Variants in FAM120B observed in about 807,000 individuals in gnomAD.
FAM120B encodes constitutive coactivator of peroxisome proliferator-activated receptor gamma.
Under a neutral mutation model 96.3 loss-of-function variants are expected in FAM120B, and 83 were observed. The ratio of observed to expected loss-of-function variants is 0.86; its 90% CI spans 0.72 to 1.03. The LOEUF is 1.03. Among genes scored for constraint, FAM120B ranks in the 50% least tolerant of loss-of-function variants. The pLI, the probability that FAM120B is intolerant of heterozygous loss-of-function variation, is 0.00. For synonymous variants in FAM120B, 407 were observed against 402.7 expected (o/e 1.01, Z -0.13); for missense variants, 1,027 against 1,121.2 (o/e 0.92, Z 1.20).
intron 6 of FAM120B, among the ~76,000 whole-genome samples, chr6:170,379,158 A>G (rs999471799): frequency 2.0e-5 from 3 of 152,188 alleles, no homozygotes; most frequent in Non-Finnish European, 2.9e-5. Context: ...GGGGTCCTTT[A>G]GTGGGGATCT....
At position 170,318,882 on chromosome 6, in the gene FAM120B, A is replaced by G. The variant is rs748270334; in HGVS notation, c.1492A>G (p.Met498Val). Residue 498 changes from methionine to valine, a missense_variant, in exon 2 of 11, where the codon ATG (methionine) becomes GTG (valine). By Grantham distance (21) the Met-to-Val change is conservative. This residue lies in a region of FAM120B where 880 missense variants were observed against 980.9 expected (regional missense o/e 0.90). Transcript: ENST00000476287. Reference sequence around the variant, plus strand: ...AGACCCTGAATCTAGGCAAGAAATTATGTGTACAGGCCATGAATCCAAACA... The same window carrying G: ...AGACCCTGAATCTAGGCAAGAAATTGTGTGTACAGGCCATGAATCCAAACA... Reference protein sequence around the residue: ...RTDPESRQEIMCTGHESKQEV... With the variant: ...RTDPESRQEIVCTGHESKQEV... The G allele has an allele frequency of 4.3e-6, 7 of 1,614,152 alleles. No homozygotes were observed. Among genetic ancestry groups the G allele is most frequent in the South Asian group, 1.1e-5 (1 of 91,092 alleles).
intron 4 of FAM120B, among the ~76,000 whole-genome samples, chr6:170,335,134 C>A (rs1786329399): frequency 6.6e-6 from 1 of 150,738 alleles, no homozygotes; most frequent in Non-Finnish European, 1.5e-5. Flanking sequence ...TGGTTTGTTG[C>A]ACCTATCAAC....
At chr6:170,315,310 A>T (rs141330567) in intron 1 of FAM120B, among the ~76,000 whole-genome samples, 41 of 152,320 alleles carry the variant, frequency 2.7e-4, no homozygotes, top group Non-Finnish European at 5.3e-4. Flanking sequence ...GTGAAATCTA[A>T]GCCTTCTTTT....
At chr6:170,376,558 C>T (rs1789531059) in intron 6 of FAM120B, among the ~76,000 whole-genome samples, 1 of 152,090 alleles carries the variant, frequency 6.6e-6, no homozygotes, top group Admixed American at 6.5e-5. Context: ...TGACCACGTG[C>T]AGCAGAGCGG....
rs139615249 is a variant in FAM120B, at chr6:170,395,007, A to G, written c.2600-480A>G. Among the ~76,000 whole-genome samples, 23 of 152,360 alleles carry G rather than the reference A, an allele frequency of 1.5e-4. 2 individuals are homozygous for G. In the East Asian group the frequency reaches 4.4e-3, roughly 29 times the overall value. Reference sequence around the variant, plus strand: ...TAATCAGGCCTTCTAGTAGAGACAAACAGGACAAGGTGTCATGGACTGGGA... The same window carrying G: ...TAATCAGGCCTTCTAGTAGAGACAAGCAGGACAAGGTGTCATGGACTGGGA... On this transcript the variant is annotated intron_variant, in intron 8 of 10. Transcript: ENST00000476287.
At chr6:170,312,613 C>T (rs547129826) in intron 1 of FAM120B, among the ~76,000 whole-genome samples, 22 of 152,282 alleles carry the variant, frequency 1.4e-4, no homozygotes, top group Admixed American at 3.3e-4. Flanking sequence ...GGTTGTGGCC[C>T]GACTGTTCTG....
chr6:170,368,602 A>G (rs1194337134), intron 6 of FAM120B, among the ~76,000 whole-genome samples: 1 of 152,250 alleles, frequency 6.6e-6, no homozygotes, highest in African/African-American at 2.4e-5. Flanking sequence ...AAGTTCACAG[A>G]AGAAATACAA....
In FAM120B at chr6:170,318,883, T is replaced by C. The variant is rs1785109240; in HGVS notation, c.1493T>C (p.Met498Thr). The C allele has an allele frequency of 6.2e-7, 1 of 1,614,104 alleles. No individual in the cohort carries two copies. Residue 498 changes from methionine to threonine, a missense_variant, in exon 2 of 11, where the codon ATG becomes ACG. Met to Thr is a moderately conservative substitution (Grantham distance 81). Coordinates refer to ENST00000476287, the MANE Select transcript of FAM120B (RefSeq NM_032448.3). ...GACCCTGAATCTAGGCAAGAAATTA[T>C]GTGTACAGGCCATGAATCCAAACAG... ...RTDPESRQEI[M>T]CTGHESKQEV... is the part of the protein sequence containing the mutation.
At chr6:170,348,910 A>C (rs918396942) in intron 5 of FAM120B, among the ~76,000 whole-genome samples, 2 of 152,206 alleles carry the variant, frequency 1.3e-5, no homozygotes, top group African/African-American at 4.8e-5. Flanking sequence ...AGGTCCTCCC[A>C]TCCTGCTGAG....
At position 170,318,031 on chromosome 6, in the gene FAM120B, G is replaced by A; in HGVS notation, c.641G>A (p.Ser214Asn). 6.2e-7 allele frequency: 1 copy of A among 1,614,136 alleles called. No homozygotes were observed. ...VMLCREKLCE[S>N]LGLCVADLPL... Reference sequence around the variant, plus strand: ...CTCTGCAGAGAGAAGCTCTGTGAGAGTCTGGGCCTCTGTGTGGCCGACCTT... The same window carrying A: ...CTCTGCAGAGAGAAGCTCTGTGAGAATCTGGGCCTCTGTGTGGCCGACCTT... Residue 214 changes from serine (S) to asparagine (N), a missense_variant, in exon 2 of 11, where the codon AGT becomes AAT. Transcript: ENST00000476287.
chr6:170,371,703 G>T lies in FAM120B; in HGVS notation c.2283+13385G>T, dbSNP rs552084657. Among the ~76,000 whole-genome samples the T allele has an allele frequency of 1.8e-4, 27 of 152,360 alleles. No individual in the cohort carries two copies. The South Asian group carries it at 5.6e-3, about 32-fold the overall frequency. ...CAGCACTTGTCAAATGAGGCCTGGT[G>T]GTCAGAGCCCCCTCTGTGCTCCTAG... On this transcript the variant is annotated intron_variant, in intron 6 of 10. Transcript: ENST00000476287.
At chr6:170,299,351 G>C (rs1034968926) in intron 1 of FAM120B, among the ~76,000 whole-genome samples, 8 of 152,204 alleles carry the variant, frequency 5.3e-5, no homozygotes, top group Non-Finnish European at 1.5e-5. Context: ...CTTAACTGCA[G>C]GTGGTTTCTG....
At position 170,317,385 on chromosome 6, in the gene FAM120B, T is replaced by G. The variant is rs1784963491; in HGVS notation, c.-6T>G. The G allele has an allele frequency of 1.9e-6, 3 of 1,596,904 alleles. No homozygotes were observed. The highest frequency in any genetic ancestry group is 2.6e-6 in the Non-Finnish European group (3 of 1,166,348). On this transcript the variant is annotated 5_prime_UTR_variant, in exon 2 of 11. Coordinates refer to ENST00000476287, the MANE Select transcript of FAM120B (RefSeq NM_032448.3). ...TTCTTTCCAGATCCTTTCCCGGAGT[T>G]CAGTTATGGGTGTGAGAGGTTTGCA...
rs1057008780 is a variant in FAM120B, at chr6:170,364,921, G to A, written c.2283+6603G>A. On this transcript the variant is annotated intron_variant, in intron 6 of 10. Transcript: ENST00000476287. ...AGTTGGTGAAGCTAAAAGCCCTTTC[G>A]TACATGTTCATATAGATGACCATGG... is the stretch of plus-strand genomic sequence containing the variant. Among the ~76,000 whole-genome samples, 8 of 152,328 alleles carry A rather than the reference G, an allele frequency of 5.3e-5. No homozygotes were observed. In the Middle Eastern group the frequency reaches 0.02, roughly 389 times the overall value.
At chr6:170,402,009 T>C (rs138191156) in intron 9 of FAM120B, among the ~76,000 whole-genome samples, 1 of 152,218 alleles carries the variant, frequency 6.6e-6, no homozygotes, top group Non-Finnish European at 1.5e-5. Context: ...CCCTCAGGAC[T>C]CCCTGCGCCC....
At chr6:170,375,585 C>T (rs758565146) in intron 6 of FAM120B, among the ~76,000 whole-genome samples, 2 of 152,186 alleles carry the variant, frequency 1.3e-5, no homozygotes, top group Non-Finnish European at 2.9e-5. Context: ...GATAAAGAAT[C>T]AGTATATCAT....
At chr6:170,356,941 A>T (rs1787992623) in intron 5 of FAM120B, among the ~76,000 whole-genome samples, 1 of 152,194 alleles carries the variant, frequency 6.6e-6, no homozygotes. Context: ...TAGGATAGTG[A>T]CATGGTGAGT....
chr6:170,317,728 C>A lies in FAM120B; in HGVS notation c.338C>A (p.Ser113Tyr), dbSNP rs770100452. 3.7e-6 allele frequency: 6 copies of A among 1,614,086 alleles called. No individual in the cohort carries two copies. The South Asian group carries it at 6.6e-5, about 18-fold the overall frequency. The change falls in exon 2 of 11, where the codon TCC (serine) becomes TAC (tyrosine). Residue 113 changes from serine to tyrosine, a missense_variant. Ser to Tyr is a moderately radical substitution (Grantham distance 144). Transcript: ENST00000476287. ...AGGCTCAAGAACAACAGGGAGATAT[C>A]CAGGATTTTTCATTACATCAAGTCA... Reference protein sequence around the residue: ...KRRLKNNREISRIFHYIKSHK... With the variant: ...KRRLKNNREIYRIFHYIKSHK...
chr6:170,400,477 T>C (rs1368000976), intron 9 of FAM120B, among the ~76,000 whole-genome samples: 1 of 152,142 alleles, frequency 6.6e-6, no homozygotes, highest in Non-Finnish European at 1.5e-5. Flanking sequence ...CTGTGGTAGC[T>C]TCAGACAGGC....
Sources: allele counts gnomAD v4.1 joint callset (sites outside exome capture counted in the v4.1 genomes callset), GRCh38; gene constraint gnomAD v4.1.1; regional missense constraint gnomAD v4.1.1; transcripts MANE v1.5; gene names NCBI Gene and HGNC (gene_info 2026-07-23, HGNC 2026-07-21).